The following UBAP2 variants were observed in gnomAD, a reference collection of about 807,000 sequenced individuals.
UBAP2 encodes the protein ubiquitin associated protein 2, also known as ubiquitin-associated protein 2.
A neutral mutation model predicts 139.6 loss-of-function variants in UBAP2; 75 were observed. That is an observed-to-expected ratio of 0.54 (90% CI 0.45 to 0.65). The LOEUF is 0.65. Among genes scored for constraint, UBAP2 ranks in the 30% least tolerant of loss-of-function variants. The pLI, the probability that UBAP2 is intolerant of heterozygous loss-of-function variation, is 0.00. For synonymous variants in UBAP2, 526 were observed against 526.2 expected, an observed-to-expected ratio of 1.00 and a Z score of 0.01; for missense variants, 1,368 against 1,369.6, an observed-to-expected ratio of 1.00 and a Z score of 0.02.
intron 6 of UBAP2, among the ~76,000 whole-genome samples, chr9:33,978,245 A>G (rs898791392): frequency 3.3e-5 from 5 of 152,032 alleles, no homozygotes; most frequent in African/African-American, 4.8e-5. Flanking sequence ...TTCGAAATTT[A>G]AACGTAAGCT....
chr9:33,931,606 A>T (rs1390246256), intron 19 of UBAP2, among the ~76,000 whole-genome samples: 1 of 152,170 alleles, frequency 6.6e-6, no homozygotes, highest in South Asian at 2.1e-4. Context: ...TGAAAGTGGC[A>T]GTTTGTGTGT....
chr9:33,948,328 T>A, intron 13 of UBAP2, 46 bp downstream of exon 13: 1 of 1,496,686 alleles, frequency 6.7e-7, no homozygotes, highest in Non-Finnish European at 9.0e-7. Flanking sequence ...TGCCAAAGCT[T>A]GAAACGTCCT....
At chr9:34,034,031 C>T (rs983203324) in intron 1 of UBAP2, among the ~76,000 whole-genome samples, 3 of 152,078 alleles carry the variant, frequency 2.0e-5, no homozygotes, top group African/African-American at 4.8e-5. Context: ...CCACCACGCC[C>T]GGCTTCAAAT....
chr9:33,977,412 T>C (rs1003208884), intron 6 of UBAP2, among the ~76,000 whole-genome samples: 4 of 152,188 alleles, frequency 2.6e-5, no homozygotes, highest in Non-Finnish European at 5.9e-5. Flanking sequence ...AGAATTATTG[T>C]TTCCTACTCA....
chr9:33,968,331 C>T (rs531189924), intron 8 of UBAP2: 9 of 583,884 alleles, frequency 1.5e-5, no homozygotes, highest in African/African-American at 5.6e-5. Context: ...CCATGTTCAT[C>T]GGTCACAGAG....
At chr9:33,976,203 C>A (rs1387535799) in intron 6 of UBAP2, among the ~76,000 whole-genome samples, 3 of 151,608 alleles carry the variant, frequency 2.0e-5, no homozygotes, top group Non-Finnish European at 4.4e-5. Flanking sequence ...AGAATACAGG[C>A]CAAAATTAAA....
At chr9:33,981,934 C>T (rs749530624) in intron 6 of UBAP2, among the ~76,000 whole-genome samples, 18 of 152,192 alleles carry the variant, frequency 1.2e-4, no homozygotes, top group Middle Eastern at 3.4e-3. Flanking sequence ...GTAATTTTCA[C>T]ATTATCTCTA....
chr9:33,925,192 C>T (rs1823318466), intron 22 of UBAP2, among the ~76,000 whole-genome samples: 1 of 152,186 alleles, frequency 6.6e-6, no homozygotes, highest in African/African-American at 2.4e-5. Context: ...TGTGCCCGAT[C>T]CCAGAAAGGA....
intron 1 of UBAP2, among the ~76,000 whole-genome samples, chr9:34,027,488 G>C (rs750819782): frequency 5.3e-5 from 8 of 151,778 alleles, no homozygotes; most frequent in Admixed American, 2.0e-4. Context: ...AGGCCAAGAG[G>C]GGGAGGATCG....
intron 12 of UBAP2, among the ~76,000 whole-genome samples, chr9:33,949,764 C>G (rs915007363): frequency 6.6e-6 from 1 of 152,204 alleles, no homozygotes; most frequent in Non-Finnish European, 1.5e-5. Context: ...GGTCAAAGAA[C>G]TGAACTTCAG....
chr9:33,980,220 C>CTT (rs1173781682), intron 6 of UBAP2, among the ~76,000 whole-genome samples: 998 of 49,100 alleles, frequency 0.02, 311 homozygotes, highest in Middle Eastern at 0.05. Context: ...AGTGTCATTT[C>CTT]TTTTTTTTTT....
chr9:33,953,466 A>T lies in UBAP2; in HGVS notation c.875T>A (p.Leu292Gln), dbSNP rs1226840481. The T allele has an allele frequency of 1.9e-6, 3 of 1,613,986 alleles. No individual in the cohort carries two copies. The highest frequency in any genetic ancestry group is 2.5e-6 in the Non-Finnish European group (3 of 1,179,938). The change falls in exon 12 of 29, where the codon CTG becomes CAG. Residue 292 changes from leucine to glutamine, a missense_variant. Transcript: ENST00000379238. The part of the protein sequence containing the change: ...NHILPGQSID[L>Q]VALLQKPVPH... ...AACAGGCTTCTGGAGCAAGGCTACC[A>T]GATCAATGCTAAGCAGACAAAAAGC...
At chr9:33,925,149 C>A (rs1209340579) in intron 22 of UBAP2, among the ~76,000 whole-genome samples, 1 of 152,150 alleles carries the variant, frequency 6.6e-6, no homozygotes, top group Non-Finnish European at 1.5e-5. Flanking sequence ...CCTGGACACA[C>A]CTGGCCCCTG....
chr9:33,936,903 G>A (rs966767520), intron 16 of UBAP2, among the ~76,000 whole-genome samples: 1 of 120,808 alleles, frequency 8.3e-6, no homozygotes, highest in Non-Finnish European at 1.6e-5. Flanking sequence ...GACCACCCTG[G>A]GCACTGTAGC....
At chr9:34,029,833 C>T (rs1490368658) in intron 1 of UBAP2, among the ~76,000 whole-genome samples, 1 of 149,662 alleles carries the variant, frequency 6.7e-6, no homozygotes, top group Non-Finnish European at 1.5e-5. Context: ...ACTAAAAATA[C>T]AAAAATTAGG....
At chr9:33,946,772 T>C (rs1052566144) in intron 13 of UBAP2, among the ~76,000 whole-genome samples, 10 of 152,196 alleles carry the variant, frequency 6.6e-5, no homozygotes, top group Non-Finnish European at 1.2e-4. Context: ...CTTGGTATTA[T>C]AGGCATGCAC....
At chr9:33,972,501 GAGTGCTGCCTGAAGTTAGAGAGAGACAA>G (rs1827988400) in intron 7 of UBAP2, among the ~76,000 whole-genome samples, 1 of 152,192 alleles carries the variant, frequency 6.6e-6, no homozygotes, top group Admixed American at 6.6e-5. Flanking sequence ...TTAACACCAA[GAGTGCTGCCTGAAGTTAGAGAGAGACAA>G]AGGGCTTTTC....
chr9:33,952,236 T>C (rs1291000394), intron 12 of UBAP2, among the ~76,000 whole-genome samples: 6 of 152,222 alleles, frequency 3.9e-5, no homozygotes, highest in Non-Finnish European at 8.8e-5. Flanking sequence ...TAACTTCCCC[T>C]TGCCAGCTCA....
chr9:33,926,094 C>T (rs1439424670), intron 22 of UBAP2, among the ~76,000 whole-genome samples: 2 of 152,212 alleles, frequency 1.3e-5, no homozygotes, highest in Admixed American at 6.5e-5. Flanking sequence ...CCAGGGCAGG[C>T]ATTCTCACAA....
Sources: allele counts gnomAD v4.1 joint callset (sites outside exome capture counted in the v4.1 genomes callset), GRCh38; gene constraint gnomAD v4.1.1; transcripts MANE v1.5; gene names NCBI Gene and HGNC (gene_info 2026-07-23, HGNC 2026-07-21).